The following HEY2 variants were observed in gnomAD, a reference collection of about 807,000 sequenced individuals.
HEY2 encodes hes related family bHLH transcription factor with YRPW motif 2, also known as hairy/enhancer-of-split related with YRPW motif protein 2.
In HEY2, 10 loss-of-function variants were observed where a neutral mutation model predicts 18.1. That is an observed-to-expected ratio of 0.55 (90% CI 0.34 to 0.94). The LOEUF (loss-of-function observed/expected upper bound fraction) is 0.94, where lower values mean the gene tolerates loss of function less well. Among genes scored for constraint, HEY2 ranks in the 40% least tolerant of loss-of-function variants. The pLI is 0.02. For synonymous variants in HEY2, 210 were observed against 182.7 expected (o/e 1.15, Z -1.21); for missense variants, 455 against 455.9 (o/e 1.00, Z 0.02).
rs140010344 is a variant in HEY2, at chr6:125,759,324, C to T, written c.536C>T (p.Pro179Leu). 242 of 1,604,790 alleles carry T rather than the reference C, an allele frequency of 1.5e-4. 1 individual carries two copies. The highest frequency in any genetic ancestry group is 2.7e-5 in the Non-Finnish European group (32 of 1,178,624). Reference sequence around the variant, plus strand: ...TCCTCCATGGCCCACCACCATCATCCGCTCCACCCGCATCACTGGGCCGCC... The same window carrying T: ...TCCTCCATGGCCCACCACCATCATCTGCTCCACCCGCATCACTGGGCCGCC... ...MTSSMAHHHHPLHPHHWAAAF... is the reference protein window; with the variant it reads ...MTSSMAHHHHLLHPHHWAAAF... Residue 179 changes from proline (P) to leucine (L), a missense_variant, in exon 5 of 5, where the codon CCG becomes CTG. Coordinates refer to ENST00000368364, the MANE Select transcript of HEY2 (RefSeq NM_012259.3).
At position 125,759,323 on chromosome 6, in the gene HEY2, C is replaced by A; in HGVS notation, c.535C>A (p.Pro179Thr). The A allele has an allele frequency of 1.2e-6, 2 of 1,604,966 alleles. No individual in the cohort carries two copies. The highest frequency in any genetic ancestry group is 1.7e-6 in the Non-Finnish European group (2 of 1,178,684). ...MTSSMAHHHH[P>T]LHPHHWAAAF... ...ATCCTCCATGGCCCACCACCATCAT[C>A]CGCTCCACCCGCATCACTGGGCCGC... is the stretch of plus-strand genomic sequence containing the variant. The change falls in exon 5 of 5, where the codon CCG (proline) becomes ACG (threonine). Residue 179 changes from proline (P) to threonine (T), a missense_variant. Pro to Thr is a conservative substitution (Grantham distance 38, BLOSUM62 -1). Transcript: ENST00000368364.
In HEY2 at chr6:125,760,685, T is replaced by C. The variant is rs1773783641; in HGVS notation, c.*883T>C. On this transcript the variant is annotated 3_prime_UTR_variant, in exon 5 of 5. Coordinates refer to ENST00000368364, the MANE Select transcript of HEY2 (RefSeq NM_012259.3). ...GCCAACTTGAAAACTCTCCAGTTTG[T>C]AGGAGTTTGGTTTAATTTATTCAGT... 1 of 152,264 alleles carries C rather than the reference T, an allele frequency of 6.6e-6. No homozygotes were observed. Among genetic ancestry groups the C allele is most frequent in the Non-Finnish European group, 1.5e-5 (1 of 68,042 alleles). 9.4% of individuals were successfully genotyped at this position (152,264 alleles called of 1,614,324 possible).
At position 125,761,224 on chromosome 6, in the gene HEY2, C is replaced by A. The variant is rs925553778; in HGVS notation, c.*1422C>A. On this transcript the variant is annotated 3_prime_UTR_variant, in exon 5 of 5. Transcript: ENST00000368364. Reference sequence around the variant, plus strand: ...CATTACTTTGTAACCTTTTTCTATGCAAGAGTCTTTACATACCACTAATTA... The same window carrying A: ...CATTACTTTGTAACCTTTTTCTATGAAAGAGTCTTTACATACCACTAATTA... The A allele has an allele frequency of 2.6e-5, 4 of 152,586 alleles. No homozygotes were observed. Among genetic ancestry groups the A allele is most frequent in the Admixed American group, 6.5e-5 (1 of 15,280 alleles). The allele number at this position is 152,586 out of a possible 1,614,324, so 9.5% of individuals were successfully genotyped here.
Position 125,759,836 on chromosome 6 carries a change from T to C in HEY2, c.*34T>C. The C allele has an allele frequency of 2.6e-6, 4 of 1,564,722 alleles. No homozygotes were observed. The African/African-American group carries it at 4.1e-5, about 16-fold the overall frequency. The stretch of plus-strand genomic sequence containing the variant: ...TGAACTTCTTGCAATAGTAACTGAA[T>C]GTCCTCCATTTCAGAGTCAGCTTAA... On this transcript the variant is annotated 3_prime_UTR_variant, in exon 5 of 5. Coordinates refer to ENST00000368364, the MANE Select transcript of HEY2 (RefSeq NM_012259.3).
At chr6:125,757,766 T>C (rs1467973460) in intron 4 of HEY2, among the ~76,000 whole-genome samples, 1 of 152,106 alleles carries the variant, frequency 6.6e-6, no homozygotes, top group East Asian at 1.9e-4. Context: ...CTGAGCAACA[T>C]AGCGAGATCT....
At position 125,759,877 on chromosome 6, in the gene HEY2, A is replaced by T; in HGVS notation, c.*75A>T. ...GTCAGCTTAAAACCTCTGCACCCTG[A>T]AGGTAGCCATACAGATGCCGACAGA... On this transcript the variant is annotated 3_prime_UTR_variant, in exon 5 of 5. Transcript: ENST00000368364. The T allele has an allele frequency of 1.6e-6, 2 of 1,244,766 alleles. No homozygotes were observed. Among genetic ancestry groups the T allele is most frequent in the Non-Finnish European group, 2.3e-6 (2 of 877,960 alleles). The allele number at this position is 1,244,766 out of a possible 1,614,324, so 77.1% of individuals were successfully genotyped here. A position where few individuals can be genotyped will look rare whatever the true frequency, so the allele number is the denominator to read the frequency against.
intron 3 of HEY2, among the ~76,000 whole-genome samples, chr6:125,753,527 A>G (rs1229315176): frequency 6.6e-6 from 1 of 152,134 alleles, no homozygotes; most frequent in African/African-American, 2.4e-5. Context: ...CAAAACAAGT[A>G]AAGCATAGGG....
intron 3 of HEY2, 95 bp from the exon 4 acceptor site, chr6:125,754,370 G>A (rs1019225173): frequency 3.3e-6 from 2 of 610,630 alleles, no homozygotes; most frequent in Non-Finnish European, 5.2e-6. Context: ...CTAGTGAGAG[G>A]GAAATTGAAG....
chr6:125,753,420 A>G (rs1773589728), intron 3 of HEY2, among the ~76,000 whole-genome samples: 1 of 152,208 alleles, frequency 6.6e-6, no homozygotes, highest in African/African-American at 2.4e-5. Context: ...TACCAACCCA[A>G]GTGAGTTGGC....
chr6:125,750,383 T>C (rs1266517514), intron 1 of HEY2: 1 of 985,308 alleles, frequency 1.0e-6, no homozygotes, highest in African/African-American at 1.7e-5. Flanking sequence ...GAGTGACAGA[T>C]GTAAGCATCG....
chr6:125,757,739 A>G (rs1773692280), intron 4 of HEY2, among the ~76,000 whole-genome samples: 1 of 152,244 alleles, frequency 6.6e-6, no homozygotes, highest in Non-Finnish European at 1.5e-5. Flanking sequence ...GCTTGAGTTC[A>G]GGAGGTCTAG....
chr6:125,759,340 C>T lies in HEY2; in HGVS notation c.552C>T (p.His184=), dbSNP rs1396439382. 6.2e-7 allele frequency: 1 copy of T among 1,604,152 alleles called. No homozygotes were observed. The highest frequency in any genetic ancestry group is 8.5e-7 in the Non-Finnish European group (1 of 1,177,450). ...ACCATCATCCGCTCCACCCGCATCACTGGGCCGCCGCCTTCCACCACCTGC... is the reference window on the plus strand; with the variant it reads ...ACCATCATCCGCTCCACCCGCATCATTGGGCCGCCGCCTTCCACCACCTGC... ...AHHHHPLHPH[H]WAAAFHHLPA... is the part of the protein sequence containing the mutation. Residue 184 remains histidine (H), a synonymous_variant, in exon 5 of 5, where the codon CAC becomes CAT. Coordinates refer to ENST00000368364, the MANE Select transcript of HEY2 (RefSeq NM_012259.3).
At chr6:125,753,976 A>G (rs1159796132) in intron 3 of HEY2, among the ~76,000 whole-genome samples, 1 of 152,192 alleles carries the variant, frequency 6.6e-6, no homozygotes, top group East Asian at 1.9e-4. Context: ...TAGGCCTGTG[A>G]AAGGACTTAT....
Position 125,751,837 on chromosome 6 carries a change from A to G in HEY2, c.120A>G (p.Pro40=), listed in dbSNP as rs768906935. 7.4e-6 allele frequency: 12 copies of G among 1,613,452 alleles called. 1 individual carries two copies. Among genetic ancestry groups the G allele is most frequent in the Non-Finnish European group, 4.2e-6 (5 of 1,179,536 alleles). The change falls in exon 2 of 5, where the codon CCA becomes CCG. Residue 40 remains proline, a synonymous_variant. Transcript: ENST00000368364. ...GCTCTGTGATTAGATTGAATTCTCC[A>G]ACAACAACATCTCAGATTATGGCAA... ...STSSVIRLNS[P]TTTSQIMARK...
At position 125,760,034 on chromosome 6, in the gene HEY2, C is replaced by T. The variant is rs572321531; in HGVS notation, c.*232C>T. 1 of 564,188 alleles carries T rather than the reference C, an allele frequency of 1.8e-6. No homozygotes were observed. The highest frequency in any genetic ancestry group is 3.0e-5 in the East Asian group (1 of 32,800). 34.9% of individuals were successfully genotyped at this position (564,188 alleles called of 1,614,324 possible). On this transcript the variant is annotated 3_prime_UTR_variant, in exon 5 of 5. Coordinates refer to ENST00000368364, the MANE Select transcript of HEY2 (RefSeq NM_012259.3). ...AACTGACATCAGCAACTTTTGAAAA[C>T]TTCACACTTGTTACCATTTAGAAGT... is the stretch of plus-strand genomic sequence containing the variant.
rs145842373 is a variant in HEY2, at chr6:125,749,800, G to C, written c.24G>C (p.Thr8=). MKRPCEE[T]TSESDMDETI... is the part of the protein sequence containing the mutation. ...GGATGAAGCGCCCCTGCGAGGAGAC[G>C]ACCTCCGAGAGCGACATGGACGAGA... The change falls in exon 1 of 5, where the codon ACG becomes ACC. Residue 8 remains threonine, a synonymous_variant. Transcript: ENST00000368364. The C allele has an allele frequency of 8.2e-6, 13 of 1,582,810 alleles. No individual in the cohort carries two copies. The Admixed American group carries it at 1.1e-4, about 13-fold the overall frequency.
intron 1 of HEY2, chr6:125,750,283 T>C (rs2128527858): frequency 1.0e-6 from 1 of 985,368 alleles, no homozygotes; most frequent in South Asian, 4.7e-5. Flanking sequence ...ACAACTTGAT[T>C]TTTGGAGGAA....
intron 4 of HEY2, among the ~76,000 whole-genome samples, chr6:125,757,748 A>G (rs1480314551): frequency 3.3e-5 from 5 of 152,360 alleles, no homozygotes; most frequent in Non-Finnish European, 1.5e-5. Flanking sequence ...CAGGAGGTCT[A>G]GACCAGTCTG....
In HEY2 at chr6:125,759,133, C is replaced by T. The variant is rs1218224063; in HGVS notation, c.345C>T (p.His115=). ...ATGGKGYFDA[H]ALAMDFMSIG... is the part of the protein sequence containing the mutation. ...CACTTTTAGGCTACTTTGACGCACA[C>T]GCTCTTGCCATGGACTTCATGAGCA... Residue 115 remains histidine, a synonymous_variant, in exon 5 of 5, where the codon CAC becomes CAT. Coordinates refer to ENST00000368364, the MANE Select transcript of HEY2 (RefSeq NM_012259.3). 1.9e-6 allele frequency: 3 copies of T among 1,603,988 alleles called. No individual in the cohort carries two copies. The highest frequency in any genetic ancestry group is 1.7e-6 in the Non-Finnish European group (2 of 1,174,480).
Sources: allele counts gnomAD v4.1 joint callset (sites outside exome capture counted in the v4.1 genomes callset), GRCh38; gene constraint gnomAD v4.1.1; transcripts MANE v1.5; gene names NCBI Gene and HGNC (gene_info 2026-07-23, HGNC 2026-07-21).